Variants in CERS3 observed in about 807,000 individuals in gnomAD.
The protein encoded by CERS3 is ceramide synthase 3, also known as LAG1 homolog, ceramide synthase 3.
A neutral mutation model predicts 50.3 loss-of-function variants in CERS3; 33 were observed. The observed-to-expected ratio is 0.66, with a 90% confidence interval of 0.50 to 0.88. CERS3 has a LOEUF of 0.88. Among genes scored for constraint, CERS3 ranks in the 40% least tolerant of loss-of-function variants. The pLI, the probability that CERS3 is intolerant of heterozygous loss-of-function variation, is 0.00. For missense variants in CERS3, 470 were observed against 460.3 expected, an observed-to-expected ratio of 1.02 and a Z score of -0.19; for synonymous variants, 176 against 155.2, an observed-to-expected ratio of 1.13 and a Z score of -0.99.
At chr15:100,462,922 T>C (rs1161314801) in intron 10 of CERS3, among the ~76,000 whole-genome samples, 1 of 152,224 alleles carries the variant, frequency 6.6e-6, no homozygotes, top group Non-Finnish European at 1.5e-5. Context: ...CTGCGATTGA[T>C]AACTGTATTG....
chr15:100,485,050 A>G (rs2035445682), intron 4 of CERS3, among the ~76,000 whole-genome samples: 1 of 152,154 alleles, frequency 6.6e-6, no homozygotes, highest in Admixed American at 6.5e-5. Context: ...CATTTTTCCT[A>G]TGGGGAACTG....
At chr15:100,458,543 G>A (rs968113529) in intron 10 of CERS3, among the ~76,000 whole-genome samples, 12 of 149,650 alleles carry the variant, frequency 8.0e-5, no homozygotes, top group South Asian at 2.1e-4. Context: ...CCGACATCAC[G>A]CCATTGCACT....
At chr15:100,444,869 C>G (rs2033866045) in intron 11 of CERS3, among the ~76,000 whole-genome samples, 1 of 152,194 alleles carries the variant, frequency 6.6e-6, no homozygotes, top group Admixed American at 6.5e-5. Context: ...AGACATAATT[C>G]CTCGGTTTGG....
chr15:100,429,148 G>C (rs552882246), intron 11 of CERS3, among the ~76,000 whole-genome samples: 37 of 152,306 alleles, frequency 2.4e-4, no homozygotes, highest in African/African-American at 7.9e-4. Flanking sequence ...CCACTTTATA[G>C]CACTGTTTTG....
chr15:100,467,820 TGTGTATATATATAC>T (rs1210586220), intron 10 of CERS3, among the ~76,000 whole-genome samples: 3 of 80,844 alleles, frequency 3.7e-5, no homozygotes, highest in African/African-American at 1.2e-4. Flanking sequence ...TCTATATATA[TGTGTATATATATAC>T]GTGTATATAT....
At chr15:100,504,445 G>A (rs561518630) in intron 2 of CERS3, among the ~76,000 whole-genome samples, 1 of 152,104 alleles carries the variant, frequency 6.6e-6, no homozygotes, top group South Asian at 2.1e-4. Context: ...GTTTCTCCAT[G>A]TTGGTCAGTC....
chr15:100,506,576 C>T (rs2036190895), intron 2 of CERS3, among the ~76,000 whole-genome samples: 1 of 151,068 alleles, frequency 6.6e-6, no homozygotes, highest in South Asian at 2.1e-4. Flanking sequence ...TACACAGTTC[C>T]CATAAGACTT....
At chr15:100,534,299 C>T (rs1231814059) in intron 1 of CERS3, among the ~76,000 whole-genome samples, 1 of 152,132 alleles carries the variant, frequency 6.6e-6, no homozygotes, top group Non-Finnish European at 1.5e-5. Flanking sequence ...AGACAAGTCA[C>T]TTAACCTCTC....
chr15:100,511,840 A>G, intron 2 of CERS3, among the ~76,000 whole-genome samples: 1 of 19,484 alleles, frequency 5.1e-5, no homozygotes, highest in African/African-American at 9.8e-5. Flanking sequence ...CTGGGCTTCC[A>G]TTAATGTTCT....
intron 3 of CERS3, among the ~76,000 whole-genome samples, chr15:100,491,382 G>A (rs2035647855): frequency 6.6e-6 from 1 of 152,002 alleles, no homozygotes; most frequent in African/African-American, 2.4e-5. Flanking sequence ...AGGATTGACG[G>A]GTGGTAGGGC....
intron 7 of CERS3, among the ~76,000 whole-genome samples, chr15:100,478,778 A>G (rs934137580): frequency 1.1e-4 from 16 of 152,180 alleles, no homozygotes; most frequent in South Asian, 1.0e-3. Flanking sequence ...CATACCCACC[A>G]TTAAAAAAAA....
intron 1 of CERS3, among the ~76,000 whole-genome samples, chr15:100,523,004 T>C (rs1280940026): frequency 6.6e-6 from 1 of 152,228 alleles, no homozygotes; most frequent in Non-Finnish European, 1.5e-5. Context: ...TTGTCTGTCT[T>C]TTAAATTTTC....
intron 1 of CERS3, among the ~76,000 whole-genome samples, chr15:100,536,769 C>T (rs1296824355): frequency 6.6e-6 from 1 of 152,222 alleles, no homozygotes; most frequent in African/African-American, 2.4e-5. Context: ...CTGGGCACCT[C>T]AGTCAATGTT....
chr15:100,402,970 C>T, intron 11 of CERS3, 105 bp from the exon 12 acceptor site: 3 of 1,139,774 alleles, frequency 2.6e-6, no homozygotes, highest in Non-Finnish European at 3.7e-6. Context: ...AAGGAAAACC[C>T]AATATCCAAA....
intron 11 of CERS3, among the ~76,000 whole-genome samples, chr15:100,441,849 T>C (rs146962211): frequency 0.034 from 5,155 of 151,824 alleles, 151 homozygotes; most frequent in Non-Finnish European, 0.048. Flanking sequence ...TCTTCCTTCT[T>C]TCCCTCCCGC....
intron 11 of CERS3, among the ~76,000 whole-genome samples, chr15:100,436,999 A>C (rs1253147545): frequency 6.9e-6 from 1 of 144,914 alleles, no homozygotes; most frequent in Middle Eastern, 3.7e-3. Context: ...GTTGGAGTGC[A>C]GTGGTGCAAT....
intron 11 of CERS3, among the ~76,000 whole-genome samples, chr15:100,443,159 C>T (rs1215576299): frequency 6.7e-6 from 1 of 150,354 alleles, no homozygotes; most frequent in Non-Finnish European, 1.5e-5. Flanking sequence ...GCGTCCTCCT[C>T]TTGTATCCCC....
intron 3 of CERS3, among the ~76,000 whole-genome samples, chr15:100,494,946 CT>C (rs1169008274): frequency 2.6e-5 from 4 of 152,178 alleles, no homozygotes; most frequent in African/African-American, 9.6e-5. Context: ...TCCTTTAAAG[CT>C]TTTTGGTCAT....
intron 3 of CERS3, among the ~76,000 whole-genome samples, chr15:100,494,433 G>C (rs543855532): frequency 7.8e-4 from 118 of 151,538 alleles, no homozygotes; most frequent in African/African-American, 2.7e-3. Flanking sequence ...ATTTTTAGTA[G>C]AGATGGGGTT....
Sources: gnomAD v4.1 joint callset for allele counts (sites outside exome capture counted in the v4.1 genomes callset) on GRCh38, gnomAD v4.1.1 for gene constraint, MANE v1.5 for transcripts, NCBI Gene and HGNC (gene_info 2026-07-23, HGNC 2026-07-21) for gene names.